Variants in WDR70 observed in about 807,000 individuals in gnomAD.
WDR70 encodes WD repeat-containing protein 70.
WDR70 carries 53 observed loss-of-function variants against 88.6 expected under a neutral mutation model. The ratio of observed to expected loss-of-function variants is 0.60; its 90% CI spans 0.48 to 0.75. The LOEUF is 0.75. Among genes scored for constraint, WDR70 ranks in the 30% least tolerant of loss-of-function variants. WDR70 has a pLI of 0.00. For synonymous variants in WDR70, 280 were observed against 270.0 expected, an observed-to-expected ratio of 1.04 and a Z score of -0.36; for missense variants, 610 against 823.2, an observed-to-expected ratio of 0.74 and a Z score of 3.17.
chr5:37,511,982 C>G (rs1740735019), intron 8 of WDR70, among the ~76,000 whole-genome samples: 1 of 152,208 alleles, frequency 6.6e-6, no homozygotes, highest in South Asian at 2.1e-4. Flanking sequence ...TAACTAATTA[C>G]TACAAACTTG....
chr5:37,396,041 C>T (rs1749000049), intron 4 of WDR70, among the ~76,000 whole-genome samples: 1 of 152,172 alleles, frequency 6.6e-6, no homozygotes, highest in Non-Finnish European at 1.5e-5. Context: ...ACAAGCAGTC[C>T]ACCTGCCTTG....
At chr5:37,415,359 C>T (rs1169264729) in intron 5 of WDR70, among the ~76,000 whole-genome samples, 13 of 139,160 alleles carry the variant, frequency 9.3e-5, no homozygotes, top group African/African-American at 1.7e-4. Context: ...TAGGGGCGGC[C>T]GGGCAGAGGC....
intron 9 of WDR70, among the ~76,000 whole-genome samples, chr5:37,541,001 T>G (rs1379834360): frequency 6.6e-6 from 1 of 152,256 alleles, no homozygotes; most frequent in Non-Finnish European, 1.5e-5. Context: ...TGTAGTAATA[T>G]AATCTTTAAT....
chr5:37,557,961 T>TTTTGAAAACTCTTCAAAAGA (rs1742360947), intron 9 of WDR70, among the ~76,000 whole-genome samples: 1 of 148,286 alleles, frequency 6.7e-6, no homozygotes, highest in African/African-American at 2.5e-5. Flanking sequence ...AAGAGTATTA[T>TTTTGAAAACTCTTCAAAAGA]GTATATTTAT....
intron 5 of WDR70, among the ~76,000 whole-genome samples, chr5:37,429,860 T>A (rs979583276): frequency 2.6e-5 from 4 of 152,198 alleles, no homozygotes; most frequent in Non-Finnish European, 4.4e-5. Flanking sequence ...ATTTTAGAAT[T>A]AGCTTGTAAA....
intron 8 of WDR70, among the ~76,000 whole-genome samples, chr5:37,491,938 G>T (rs988889913): frequency 5.9e-5 from 9 of 151,956 alleles, no homozygotes; most frequent in Non-Finnish European, 1.3e-4. Context: ...TGGTTTCTGC[G>T]CTTTTGACAT....
chr5:37,721,487 C>T, intron 14 of WDR70: 1 of 474,298 alleles, frequency 2.1e-6, no homozygotes, highest in East Asian at 3.7e-5. Context: ...GAAAAACGTT[C>T]TGCCCACTTT....
At chr5:37,744,756 G>A (rs193149211) in intron 17 of WDR70, among the ~76,000 whole-genome samples, 79 of 151,858 alleles carry the variant, frequency 5.2e-4, no homozygotes, top group Admixed American at 1.3e-3. Flanking sequence ...AAAGGAATGA[G>A]CAAAGCCTCC....
intron 7 of WDR70, among the ~76,000 whole-genome samples, chr5:37,450,515 A>G (rs1447999020): frequency 1.3e-5 from 2 of 152,174 alleles, no homozygotes; most frequent in Non-Finnish European, 2.9e-5. Context: ...GATTTATTCT[A>G]ACCTTCATGC....
intron 9 of WDR70, among the ~76,000 whole-genome samples, chr5:37,561,484 CA>C (rs1742501466): frequency 6.6e-6 from 1 of 152,104 alleles, no homozygotes; most frequent in South Asian, 2.1e-4. Flanking sequence ...GCTATATAGC[CA>C]AAACACATGC....
At chr5:37,602,925 C>T (rs533037532) in intron 9 of WDR70, among the ~76,000 whole-genome samples, 5 of 151,450 alleles carry the variant, frequency 3.3e-5, no homozygotes, top group South Asian at 2.1e-4. Flanking sequence ...TGCAGTGAGC[C>T]GAGATTGCGC....
At chr5:37,699,355 CACACAG>C (rs1747076380) in intron 11 of WDR70, among the ~76,000 whole-genome samples, 1 of 145,304 alleles carries the variant, frequency 6.9e-6, no homozygotes, top group Admixed American at 6.8e-5. Flanking sequence ...CACACACACA[CACACAG>C]TGTGTGTGTG....
At chr5:37,614,460 C>T (rs2112492776) in intron 10 of WDR70, among the ~76,000 whole-genome samples, 1 of 152,242 alleles carries the variant, frequency 6.6e-6, no homozygotes, top group South Asian at 2.1e-4. Flanking sequence ...TTAACAGGTT[C>T]CAGGGACTCA....
intron 10 of WDR70, among the ~76,000 whole-genome samples, chr5:37,642,101 C>G (rs1745119156): frequency 6.6e-6 from 1 of 152,158 alleles, no homozygotes; most frequent in Admixed American, 6.5e-5. Flanking sequence ...AAACTTCCTA[C>G]ACTTACGCAA....
chr5:37,575,618 A>T (rs971313667), intron 9 of WDR70, among the ~76,000 whole-genome samples: 1 of 152,192 alleles, frequency 6.6e-6, no homozygotes, highest in African/African-American at 2.4e-5. Context: ...GAGCCTACCC[A>T]ACTCCGTAGA....
At chr5:37,643,225 A>G (rs1316915126) in intron 10 of WDR70, among the ~76,000 whole-genome samples, 1 of 152,088 alleles carries the variant, frequency 6.6e-6, no homozygotes, top group Non-Finnish European at 1.5e-5. Context: ...TTCCAGCACC[A>G]TTTATTGAAG....
At chr5:37,649,445 G>T (rs1373150958) in intron 10 of WDR70, among the ~76,000 whole-genome samples, 1 of 148,920 alleles carries the variant, frequency 6.7e-6, no homozygotes, top group Non-Finnish European at 1.5e-5. Context: ...AATTTGGTGA[G>T]GCATACAAGA....
chr5:37,474,398 AGAGATGTTGAAATCTCC>A (rs1330994432), intron 7 of WDR70, among the ~76,000 whole-genome samples: 1 of 152,180 alleles, frequency 6.6e-6, no homozygotes, highest in African/African-American at 2.4e-5. Context: ...TTACTGGAAA[AGAGATGTTGAAATCTCC>A]GAGTGTGATT....
At chr5:37,713,685 G>A (rs1747579220) in intron 13 of WDR70, among the ~76,000 whole-genome samples, 1 of 152,118 alleles carries the variant, frequency 6.6e-6, no homozygotes, top group African/African-American at 2.4e-5. Context: ...AAGAGAACTT[G>A]ATTTGTAGAT....
Sources: allele counts gnomAD v4.1 joint callset (sites outside exome capture counted in the v4.1 genomes callset), GRCh38; gene constraint gnomAD v4.1.1; transcripts MANE v1.5; gene names NCBI Gene and HGNC (gene_info 2026-07-23, HGNC 2026-07-21).